Variants in SLC45A3 observed in about 807,000 individuals in gnomAD.
SLC45A3 encodes solute carrier family 45 member 3, also known as prostate cancer associated protein 2.
Under a neutral mutation model 35.3 loss-of-function variants are expected in SLC45A3, and 17 were observed. That is an observed-to-expected ratio of 0.48 (90% CI 0.33 to 0.72). The LOEUF is 0.72. SLC45A3 is among the 30% of genes least tolerant of loss of function. The pLI is 0.02. For missense variants in SLC45A3, 597 were observed against 731.7 expected (o/e 0.82, Z 2.12); for synonymous variants, 288 against 334.3 (o/e 0.86, Z 1.51).
chr1:205,662,421 G>A lies in SLC45A3; in HGVS notation c.959-295C>T. 7.4e-7 allele frequency: 1 copy of A among 1,349,704 alleles called. No individual in the cohort carries two copies. 83.6% of individuals were successfully genotyped at this position (1,349,704 alleles called of 1,614,324 possible). On this transcript the variant is annotated intron_variant, in intron 3 of 4. Transcript: ENST00000367145. This position sits in a 1 kb window ranked among gnomAD's most constrained non-coding sequence, Gnocchi z 6.2. ...GGTGAGAGGGAACACAAAGACAGCT[G>A]GCCATAGGCTTCAAGACGCTTCTAG...
In SLC45A3 at chr1:205,663,425, C is replaced by A; in HGVS notation, c.366G>T (p.Leu122=). ...GCCCCACGCCCAGGATGAGCAGTGC[C>A]AGCTCCAGGGGCCTGGGATCCGGGC... ...LLCPDPRPLE[L]ALLILGVGLL... Residue 122 remains leucine, a synonymous_variant, in exon 3 of 5, where the codon CTG becomes CTT. Coordinates refer to ENST00000367145, the MANE Select transcript of SLC45A3 (RefSeq NM_033102.3). The A allele has an allele frequency of 6.2e-7, 1 of 1,612,956 alleles. No individual in the cohort carries two copies. Among genetic ancestry groups the A allele is most frequent in the Non-Finnish European group, 8.5e-7 (1 of 1,179,816 alleles).
Position 205,658,962 on chromosome 1 carries a change from G to T in SLC45A3, c.*272C>A, listed in dbSNP as rs1670968241. 2 of 447,056 alleles carry T rather than the reference G, an allele frequency of 4.5e-6. No individual in the cohort carries two copies. The highest frequency in any genetic ancestry group is 8.0e-6 in the Non-Finnish European group (2 of 249,928). The allele number at this position is 447,056 out of a possible 1,614,324, so 27.7% of individuals were successfully genotyped here. On this transcript the variant is annotated 3_prime_UTR_variant, in exon 5 of 5. Transcript: ENST00000367145. The stretch of plus-strand genomic sequence containing the variant: ...GAGTCCCCGCATTCCAGTGCATGGA[G>T]CCCTTCTGGCCTCCCTGTATAAGTC...
rs1671050497 is a variant in SLC45A3, at chr1:205,662,780, C to A, written c.958+53G>T. 2 of 1,512,954 alleles carry A rather than the reference C, an allele frequency of 1.3e-6. No individual in the cohort carries two copies. The highest frequency in any genetic ancestry group is 1.3e-5 in the South Asian group (1 of 74,234). The allele number at this position is 1,512,954 out of a possible 1,614,324, so 93.7% of individuals were successfully genotyped here. On this transcript the variant is annotated intron_variant, in intron 3 of 4. Coordinates refer to ENST00000367145, the MANE Select transcript of SLC45A3 (RefSeq NM_033102.3). This position sits in a 1 kb window ranked among gnomAD's most constrained non-coding sequence, Gnocchi z 6.2. ...CCAGCCCAGACACAGCCCCGAGTGT[C>A]GTCTCTGGTGGGCGGCTCCCACACC...
Position 205,659,759 on chromosome 1 carries a change from T to A in SLC45A3, c.1225-88A>T. ...CCAGCTGTGAGAACAGACCCTTGCC[T>A]CCATCCCAGGGGCAATGGGACTTCA... On this transcript the variant is annotated intron_variant, in intron 4 of 4. Coordinates refer to ENST00000367145, the MANE Select transcript of SLC45A3 (RefSeq NM_033102.3). This position sits in a 1 kb window ranked among gnomAD's most constrained non-coding sequence, Gnocchi z 5.8. 1 of 1,263,838 alleles carries A rather than the reference T, an allele frequency of 7.9e-7. No homozygotes were observed. The highest frequency in any genetic ancestry group is 1.5e-5 in the African/African-American group (1 of 66,448). 78.3% of individuals were successfully genotyped at this position (1,263,838 alleles called of 1,614,324 possible).
intron 1 of SLC45A3, among the ~76,000 whole-genome samples, chr1:205,676,069 A>T (rs1403602685): frequency 6.6e-6 from 1 of 152,144 alleles, no homozygotes; most frequent in East Asian, 1.9e-4. Context: ...TGACTTTACC[A>T]GTGTGCCTGG....
At position 205,658,372 on chromosome 1, in the gene SLC45A3, G is replaced by A. The variant is rs1670959921; in HGVS notation, c.*862C>T. 4.3e-6 allele frequency: 1 copy of A among 232,540 alleles called. No homozygotes were observed. The highest frequency in any genetic ancestry group is 2.2e-5 in the African/African-American group (1 of 45,316). 14.4% of individuals were successfully genotyped at this position (232,540 alleles called of 1,614,324 possible). A position where few individuals can be genotyped will look rare whatever the true frequency, so the allele number is the denominator to read the frequency against. Reference sequence around the variant, plus strand: ...AGCATTTGGAATTATCATTTGGGATGAGTAGAATTTCCAAGGTCCTGGGTT... The same window carrying A: ...AGCATTTGGAATTATCATTTGGGATAAGTAGAATTTCCAAGGTCCTGGGTT... On this transcript the variant is annotated 3_prime_UTR_variant, in exon 5 of 5. Coordinates refer to ENST00000367145, the MANE Select transcript of SLC45A3 (RefSeq NM_033102.3).
chr1:205,670,001 C>G (rs1671183098), intron 1 of SLC45A3, among the ~76,000 whole-genome samples: 1 of 152,090 alleles, frequency 6.6e-6, no homozygotes, highest in South Asian at 2.1e-4. Context: ...CTGGGGGTTC[C>G]CCAGCCCTCC....
chr1:205,661,270 A>G (rs1197961385), intron 4 of SLC45A3, among the ~76,000 whole-genome samples: 1 of 152,190 alleles, frequency 6.6e-6, no homozygotes, highest in Non-Finnish European at 1.5e-5. Flanking sequence ...TCAAGCTCAG[A>G]TATCTGCCAC....
intron 1 of SLC45A3, among the ~76,000 whole-genome samples, chr1:205,673,018 A>G (rs1471387482): frequency 6.6e-6 from 1 of 152,152 alleles, no homozygotes; most frequent in Non-Finnish European, 1.5e-5. Context: ...CCAATGAGTC[A>G]AGGGGAATGA....
Position 205,663,414 on chromosome 1 carries a change from A to C in SLC45A3, c.377T>G (p.Ile126Ser), listed in dbSNP as rs1671064776. ...DPRPLELALLILGVGLLDFCG... is the reference protein window; with the variant it reads ...DPRPLELALLSLGVGLLDFCG... ...GAAGTCCAGCAGCCCCACGCCCAGGATGAGCAGTGCCAGCTCCAGGGGCCT... is the reference window on the plus strand; with the variant it reads ...GAAGTCCAGCAGCCCCACGCCCAGGCTGAGCAGTGCCAGCTCCAGGGGCCT... The change falls in exon 3 of 5, where the codon ATC becomes AGC. Residue 126 changes from isoleucine to serine, a missense_variant. Ile to Ser is a moderately radical substitution (Grantham distance 142). Coordinates refer to ENST00000367145, the MANE Select transcript of SLC45A3 (RefSeq NM_033102.3). The C allele has an allele frequency of 6.2e-7, 1 of 1,613,190 alleles. No individual in the cohort carries two copies. The highest frequency in any genetic ancestry group is 1.6e-4 in the Middle Eastern group (1 of 6,062).
At chr1:205,665,210 G>A (rs563516386) in intron 1 of SLC45A3, among the ~76,000 whole-genome samples, 1 of 152,252 alleles carries the variant, frequency 6.6e-6, no homozygotes, top group East Asian at 1.9e-4. Context: ...CAAACCAACT[G>A]AATTTTTAGT....
chr1:205,665,955 G>T lies in SLC45A3; in HGVS notation c.-230-1069C>A, dbSNP rs147216142. On this transcript the variant is annotated intron_variant, in intron 1 of 4. Coordinates refer to ENST00000367145, the MANE Select transcript of SLC45A3 (RefSeq NM_033102.3). ...CCAGGACTTTGGGAGGCCAAGGCAG[G>T]CGGATCACTTGAGGTCAGGAGTTCA... 1.4e-4 allele frequency among the ~76,000 whole-genome samples: 21 copies of T among 152,292 alleles called. No individual in the cohort carries two copies. In the East Asian group the frequency reaches 3.5e-3, roughly 25 times the overall value.
In SLC45A3 at chr1:205,659,683, G is replaced by T; in HGVS notation, c.1225-12C>A. The T allele has an allele frequency of 6.6e-7, 1 of 1,519,076 alleles. No homozygotes were observed. The highest frequency in any genetic ancestry group is 1.3e-5 in the South Asian group (1 of 75,222). 94.1% of individuals were successfully genotyped at this position (1,519,076 alleles called of 1,614,324 possible). ...TTGGGCAGGAACACCTAAGGCAGAG[G>T]GGTGAAGAAAAGGGGAAGAGGACAG... On this transcript the variant is annotated splice_polypyrimidine_tract_variant and intron_variant, in intron 4 of 4. Transcript: ENST00000367145. This position sits in a 1 kb window ranked among gnomAD's most constrained non-coding sequence, Gnocchi z 5.8.
chr1:205,671,415 T>C (rs576201083), intron 1 of SLC45A3, among the ~76,000 whole-genome samples: 1 of 152,280 alleles, frequency 6.6e-6, no homozygotes, highest in South Asian at 2.1e-4. Context: ...ACCCTCTGAA[T>C]CCTGACGTCC....
chr1:205,661,772 T>C (rs1465572996), intron 4 of SLC45A3, 89 bp downstream of exon 4: 1 of 1,521,452 alleles, frequency 6.6e-7, no homozygotes, highest in Non-Finnish European at 8.8e-7. Flanking sequence ...CCAAAGTTGC[T>C]TGCCAGATAC....
rs1330681541 is a variant in SLC45A3 at position 205,664,991 on chromosome 1, C to T, written c.-230-105G>A. On this transcript the variant is annotated intron_variant, in intron 1 of 4. Coordinates refer to ENST00000367145, the MANE Select transcript of SLC45A3 (RefSeq NM_033102.3). The surrounding 1 kb of genome is among the most constrained non-coding windows in gnomAD (Gnocchi z 5.3). ...TGGATCCTGATCATTCACAGGCTGG[C>T]GACTGGCCCTGTCACCGAGGTGCCA... The T allele has an allele frequency of 2.0e-5, 22 of 1,111,814 alleles. No individual in the cohort carries two copies. The Admixed American group carries it at 5.9e-4, about 30-fold the overall frequency. 68.9% of individuals were successfully genotyped at this position (1,111,814 alleles called of 1,614,324 possible).
chr1:205,665,436 TG>T (rs1227873024), intron 1 of SLC45A3, among the ~76,000 whole-genome samples: 1 of 152,130 alleles, frequency 6.6e-6, no homozygotes, highest in African/African-American at 2.4e-5. Flanking sequence ...TTTGTTGGGT[TG>T]GGTTTTAACT....
Position 205,663,445 on chromosome 1 carries a change from C to A in SLC45A3, c.346G>T (p.Asp116Tyr). 6.2e-7 allele frequency: 1 copy of A among 1,612,730 alleles called. No individual in the cohort carries two copies. The highest frequency in any genetic ancestry group is 1.3e-5 in the African/African-American group (1 of 75,052). Residue 116 changes from aspartate to tyrosine, a missense_variant, in exon 3 of 5, where the codon GAT (aspartate) becomes TAT (tyrosine). Asp to Tyr is a radical substitution (Grantham distance 160). This residue lies in a region of SLC45A3 where 555 missense variants were observed against 664.9 expected (regional missense o/e 0.83). Transcript: ENST00000367145. ...AGWLAGLLCPDPRPLELALLI... is the reference protein window; with the variant it reads ...AGWLAGLLCPYPRPLELALLI... The stretch of plus-strand genomic sequence containing the variant: ...AGTGCCAGCTCCAGGGGCCTGGGAT[C>A]CGGGCACAGCAGCCCTGCTAGCCAG...
chr1:205,672,892 A>T (rs1393468960), intron 1 of SLC45A3, among the ~76,000 whole-genome samples: 1 of 152,130 alleles, frequency 6.6e-6, no homozygotes, highest in East Asian at 1.9e-4. Flanking sequence ...ACGGGCAGGT[A>T]CCCCCTAAGG....
Sources: allele counts gnomAD v4.1 joint callset (sites outside exome capture counted in the v4.1 genomes callset), GRCh38; gene constraint gnomAD v4.1.1; regional missense constraint gnomAD v4.1.1; non-coding constraint Gnocchi (gnomAD v3.1); transcripts MANE v1.5; gene names NCBI Gene and HGNC (gene_info 2026-07-23, HGNC 2026-07-21).